The following LDLRAD3 variants were observed in gnomAD, a reference collection of about 807,000 sequenced individuals.
LDLRAD3 encodes the protein low-density lipoprotein receptor class A domain-containing protein 3.
A neutral mutation model predicts 29.4 loss-of-function variants in LDLRAD3; 20 were observed. The observed-to-expected ratio is 0.68, with a 90% CI of 0.48 to 0.99. LDLRAD3 has a LOEUF of 0.99. LDLRAD3 is among the 50% of genes least tolerant of loss of function. The probability of loss-of-function intolerance (pLI) is 0.00; values close to 1 mark genes in which losing one functional copy is unlikely to be tolerated. For synonymous variants in LDLRAD3, 157 were observed against 192.7 expected (o/e 0.81, Z 1.53); for missense variants, 420 against 454.3 (o/e 0.92, Z 0.69).
intron 1 of LDLRAD3, among the ~76,000 whole-genome samples, chr11:35,976,949 G>T (rs1455755007): frequency 6.6e-6 from 1 of 152,130 alleles, no homozygotes; most frequent in Non-Finnish European, 1.5e-5. Context: ...CTAGAAATAT[G>T]CATGCTTACA....
At chr11:36,054,577 A>G (rs941087332) in intron 2 of LDLRAD3, among the ~76,000 whole-genome samples, 4 of 152,244 alleles carry the variant, frequency 2.6e-5, no homozygotes, top group Non-Finnish European at 4.4e-5. Flanking sequence ...TACAGGATTG[A>G]CATCACCCAG....
chr11:36,061,382 C>T (rs1030349756), intron 2 of LDLRAD3, among the ~76,000 whole-genome samples: 2 of 152,218 alleles, frequency 1.3e-5, no homozygotes, highest in Non-Finnish European at 2.9e-5. Context: ...CTCAAGTGAT[C>T]TGCCTGCCTT....
chr11:36,205,282 G>A (rs1326224297), intron 4 of LDLRAD3, among the ~76,000 whole-genome samples: 1 of 152,160 alleles, frequency 6.6e-6, no homozygotes, highest in African/African-American at 2.4e-5. Flanking sequence ...CCCCAAGGCA[G>A]CTTACAGCTT....
rs148789022 is a variant in LDLRAD3 at position 35,950,009 on chromosome 11, C to T, written c.46+5865C>T. 6.5e-3 allele frequency among the ~76,000 whole-genome samples: 996 copies of T among 152,292 alleles called. 12 individuals are homozygous for T. Among genetic ancestry groups the T allele is most frequent in the African/African-American group, 0.022 (930 of 41,538 alleles). ...TTTCTTAATATTTTATTTGGTTGTT[C>T]GTCATTGTGCCATCATCTCTGCCAC... On this transcript the variant is annotated intron_variant, in intron 1 of 5. Transcript: ENST00000315571.
At chr11:36,181,474 T>A (rs1854762142) in intron 4 of LDLRAD3, among the ~76,000 whole-genome samples, 1 of 152,096 alleles carries the variant, frequency 6.6e-6, no homozygotes, top group African/African-American at 2.4e-5. Context: ...TCAGGTGAAG[T>A]GTCTTTTCCA....
chr11:36,131,161 C>A (rs1268932324), intron 4 of LDLRAD3, among the ~76,000 whole-genome samples: 1 of 152,228 alleles, frequency 6.6e-6, no homozygotes, highest in Non-Finnish European at 1.5e-5. Flanking sequence ...AAGGCTCATG[C>A]CTTGAGAGGC....
intron 4 of LDLRAD3, among the ~76,000 whole-genome samples, chr11:36,190,216 C>A (rs1565290646): frequency 6.6e-6 from 1 of 152,122 alleles, no homozygotes; most frequent in Non-Finnish European, 1.5e-5. Flanking sequence ...TGCCTCCCCT[C>A]TTTTAAAGGA....
intron 2 of LDLRAD3, among the ~76,000 whole-genome samples, chr11:36,070,365 G>A (rs184757252): frequency 2.1e-4 from 32 of 152,240 alleles, no homozygotes; most frequent in African/African-American, 7.5e-4. Context: ...CAGCTTTTGT[G>A]TGTGAAGCAG....
intron 1 of LDLRAD3, among the ~76,000 whole-genome samples, chr11:35,988,296 G>A (rs1851639785): frequency 6.6e-6 from 1 of 152,172 alleles, no homozygotes; most frequent in Admixed American, 6.5e-5. Flanking sequence ...CTGGGCTCAA[G>A]TGATTCTCCC....
At chr11:36,083,859 A>G (rs1023470294) in intron 3 of LDLRAD3, among the ~76,000 whole-genome samples, 1 of 152,034 alleles carries the variant, frequency 6.6e-6, no homozygotes, top group Admixed American at 6.6e-5. Flanking sequence ...ATGTCATCCT[A>G]TATATTCCCT....
At chr11:36,197,986 G>A (rs1306437389) in intron 4 of LDLRAD3, 2 of 152,222 alleles carry the variant, frequency 1.3e-5, no homozygotes, top group Admixed American at 1.3e-4. Flanking sequence ...AGAAGTTCAA[G>A]GCTGCAGTGA....
intron 4 of LDLRAD3, among the ~76,000 whole-genome samples, chr11:36,146,164 C>G (rs1174127554): frequency 1.3e-5 from 2 of 152,164 alleles, no homozygotes; most frequent in Non-Finnish European, 2.9e-5. Flanking sequence ...ACTGCTCAGC[C>G]TCCTGATCAC....
intron 3 of LDLRAD3, among the ~76,000 whole-genome samples, chr11:36,096,594 T>C (rs994967989): frequency 6.6e-6 from 1 of 152,266 alleles, no homozygotes; most frequent in Admixed American, 6.5e-5. Context: ...GAGCCTGTGC[T>C]ACATGTCAGA....
intron 1 of LDLRAD3, chr11:36,001,271 A>G (rs1400901923): frequency 6.6e-6 from 1 of 152,214 alleles, no homozygotes; most frequent in Non-Finnish European, 1.5e-5. Flanking sequence ...TTACATATGT[A>G]TACATGTGCC....
intron 2 of LDLRAD3, among the ~76,000 whole-genome samples, chr11:36,063,148 G>C (rs1263458381): frequency 6.6e-6 from 1 of 152,078 alleles, no homozygotes. Flanking sequence ...AGACCAGAAG[G>C]GTTATCCACA....
At chr11:36,227,946 T>C (rs975181371) in intron 5 of LDLRAD3, among the ~76,000 whole-genome samples, 1 of 152,234 alleles carries the variant, frequency 6.6e-6, no homozygotes, top group African/African-American at 2.4e-5. Flanking sequence ...GTGAGTTCCT[T>C]AACTTTGCTT....
At chr11:35,959,585 C>A (rs1851250580) in intron 1 of LDLRAD3, among the ~76,000 whole-genome samples, 1 of 152,076 alleles carries the variant, frequency 6.6e-6, no homozygotes, top group South Asian at 2.1e-4. Context: ...ATAGATTTAT[C>A]AGATTTTTAA....
At chr11:35,953,160 T>C (rs1410054078) in intron 1 of LDLRAD3, among the ~76,000 whole-genome samples, 5 of 152,120 alleles carry the variant, frequency 3.3e-5, no homozygotes, top group Admixed American at 6.5e-5. Flanking sequence ...AGGTGATAAA[T>C]TGGGTGAATT....
At chr11:36,088,669 G>C (rs1036612052) in intron 3 of LDLRAD3, among the ~76,000 whole-genome samples, 8 of 152,160 alleles carry the variant, frequency 5.3e-5, no homozygotes, top group African/African-American at 1.9e-4. Context: ...AGAAAGCTGT[G>C]TCTTTTATTG....
Sources: gnomAD v4.1 joint callset for allele counts (sites outside exome capture counted in the v4.1 genomes callset) on GRCh38, gnomAD v4.1.1 for gene constraint, MANE v1.5 for transcripts, NCBI Gene and HGNC (gene_info 2026-07-23, HGNC 2026-07-21) for gene names.